UPF1: variants seen among roughly 807,000 people sequenced by gnomAD.
UPF1 encodes UPF1 RNA helicase and ATPase.
A neutral mutation model predicts 129.2 loss-of-function variants in UPF1; 9 were observed. That is an observed-to-expected ratio of 0.07 (90% confidence interval 0.04 to 0.12). UPF1 has a LOEUF of 0.12. UPF1 is among the 10% of genes least tolerant of loss of function. UPF1 has a pLI of 1.00. For missense variants in UPF1, 788 were observed against 1,525.3 expected (o/e 0.52, Z 8.05); for synonymous variants, 649 against 644.9 (o/e 1.01, Z -0.10).
rs569386730 is a variant in UPF1, at chr19:18,853,619, A to G, written c.1156+269A>G. On this transcript the variant is annotated intron_variant, in intron 8 of 23. Coordinates refer to ENST00000262803, the MANE Select transcript of UPF1 (RefSeq NM_002911.4). The surrounding 1 kb of genome is among the most constrained non-coding windows in gnomAD (Gnocchi z 4.4). ...TGGCGCGTCCCTGGGCTGACTCTGG[A>G]AGTTAATGTATGCCGCTTGTGTGGC... Among the ~76,000 whole-genome samples the G allele has an allele frequency of 7.9e-5, 12 of 152,220 alleles. No individual in the cohort carries two copies. The East Asian group carries it at 2.1e-3, about 27-fold the overall frequency.
chr19:18,857,934 AAC>A (rs2055736564), intron 15 of UPF1, among the ~76,000 whole-genome samples: 1 of 152,200 alleles, frequency 6.6e-6, no homozygotes. Flanking sequence ...TTCCCTGGAT[AAC>A]ACAGAGGCCT....
intron 1 of UPF1, among the ~76,000 whole-genome samples, chr19:18,839,901 G>A (rs1014435401): frequency 2.6e-5 from 4 of 152,216 alleles, no homozygotes; most frequent in Admixed American, 2.6e-4. Flanking sequence ...CTAAGGGAAA[G>A]CCTGTGGGAA....
Position 18,863,625 on chromosome 19 carries a change from A to G in UPF1, c.2775+13A>G. ...CACTATCAACCCGGTGAGCGCCTGCACAGGACAGCAGGGCAGCACGGAGAA... is the reference window on the plus strand; with the variant it reads ...CACTATCAACCCGGTGAGCGCCTGCGCAGGACAGCAGGGCAGCACGGAGAA... On this transcript the variant is annotated intron_variant, in intron 19 of 23. Transcript: ENST00000262803. 5 of 1,609,000 alleles carry G rather than the reference A, an allele frequency of 3.1e-6. No homozygotes were observed. Among genetic ancestry groups the G allele is most frequent in the Non-Finnish European group, 4.2e-6 (5 of 1,177,320 alleles).
intron 1 of UPF1, among the ~76,000 whole-genome samples, chr19:18,843,606 C>T (rs2055565361): frequency 6.7e-6 from 1 of 149,006 alleles, no homozygotes; most frequent in Non-Finnish European, 1.5e-5. Flanking sequence ...GCAACCTCCG[C>T]CTCCTGGGTT....
At chr19:18,856,755 G>GT (rs1229235729) in intron 13 of UPF1, 122 bp from the exon 14 acceptor site, 3 of 1,383,814 alleles carry the variant, frequency 2.2e-6, no homozygotes, top group East Asian at 2.5e-5. Context: ...GGGACAGCTT[G>GT]TTTTTTATAG....
chr19:18,847,646 A>G (rs1470666957), intron 2 of UPF1, 98 bp from the exon 3 acceptor site: 2 of 1,158,484 alleles, frequency 1.7e-6, no homozygotes, highest in African/African-American at 3.0e-5. Context: ...TTAATGAAGA[A>G]CTTAAAAATG....
rs2055853374 is a variant in UPF1 at position 18,866,904 on chromosome 19, TC to T, written c.*388del. 1.3e-5 allele frequency: 2 copies of T among 152,604 alleles called. No individual in the cohort carries two copies. The highest frequency in any genetic ancestry group is 1.5e-5 in the Non-Finnish European group (1 of 68,052). The allele number at this position is 152,604 out of a possible 1,614,324, so 9.5% of individuals were successfully genotyped here. ...CTACGTCTTAGCAGGAAAAAAAACT[TC>T]GCATTTCTGTGCCCGAGCAGGCTCC... On this transcript the variant is annotated 3_prime_UTR_variant, in exon 24 of 24. Transcript: ENST00000262803.
rs764862637 is a variant in UPF1, at chr19:18,865,440, G to T, written c.3009G>T (p.Gly1003=). 6.2e-7 allele frequency: 1 copy of T among 1,613,398 alleles called. No individual in the cohort carries two copies. The highest frequency in any genetic ancestry group is 8.5e-7 in the Non-Finnish European group (1 of 1,179,470). The change falls in exon 21 of 24, where the codon GGG becomes GGT. Residue 1003 remains glycine, a synonymous_variant. Transcript: ENST00000262803. This position sits in a 1 kb window ranked among gnomAD's most constrained non-coding sequence, Gnocchi z 6.1. Reference sequence around the variant, plus strand: ...CTGGCTATTTTGGACAAGCCAACGGGCCTGCTGCAGGTGAGCATCTGTGGC... The same window carrying T: ...CTGGCTATTTTGGACAAGCCAACGGTCCTGCTGCAGGTGAGCATCTGTGGC... ...PPPGYFGQAN[G]PAAGRGTPKG...
rs1335810496 is a variant in UPF1 at position 18,832,570 on chromosome 19, C to T, written c.231+130C>T. The T allele has an allele frequency of 1.6e-6, 1 of 638,414 alleles. No homozygotes were observed. Among genetic ancestry groups the T allele is most frequent in the African/African-American group, 2.0e-5 (1 of 50,810 alleles). The allele number at this position is 638,414 out of a possible 1,614,324, so 39.5% of individuals were successfully genotyped here. ...TCGCGGCCGGGCCTGGGGCGATCTG[C>T]CCCGGGTCCCCTACTCTGGCTCGGC... On this transcript the variant is annotated intron_variant, in intron 1 of 23. Transcript: ENST00000262803. The surrounding 1 kb of genome is among the most constrained non-coding windows in gnomAD (Gnocchi z 5.6).
In UPF1 at chr19:18,832,389, A is replaced by G. The variant is rs12976276; in HGVS notation, c.180A>G (p.Gly60=). 2 of 1,081,004 alleles carry G rather than the reference A, an allele frequency of 1.9e-6. No homozygotes were observed. Among genetic ancestry groups the G allele is most frequent in the Non-Finnish European group, 2.2e-6 (2 of 890,428 alleles). The allele number at this position is 1,081,004 out of a possible 1,614,324, so 67.0% of individuals were successfully genotyped here. The part of the protein sequence containing the change: ...GPGGPGGGGA[G]GPGGAGAGAA... ...GCGGCCCGGGCGGTGGCGGCGCGGGAGGCCCGGGCGGCGCGGGCGCGGGCG... is the reference window on the plus strand; with the variant it reads ...GCGGCCCGGGCGGTGGCGGCGCGGGGGGCCCGGGCGGCGCGGGCGCGGGCG... Residue 60 remains glycine (G), a synonymous_variant, in exon 1 of 24, where the codon GGA becomes GGG. Transcript: ENST00000262803. This position sits in a 1 kb window ranked among gnomAD's most constrained non-coding sequence, Gnocchi z 5.6.
intron 3 of UPF1, chr19:18,849,721 C>A (rs1330567529): frequency 7.5e-6 from 2 of 267,948 alleles, no homozygotes; most frequent in Non-Finnish European, 1.4e-5. Context: ...AAAGAAGGGG[C>A]TGGGGCCTTG....
At position 18,853,259 on chromosome 19, in the gene UPF1, G is replaced by C; in HGVS notation, c.1065G>C (p.Arg355=). The change falls in exon 8 of 24, where the codon CGG becomes CGC. Residue 355 remains arginine (R), a synonymous_variant. Transcript: ENST00000262803. This position sits in a 1 kb window ranked among gnomAD's most constrained non-coding sequence, Gnocchi z 4.4. ...TCACTTTTTTACCTCAAGACATGCG[G>C]CTCATGCAGGGGGATGAGATATGCC... is the stretch of plus-strand genomic sequence containing the variant. ...FTLPKTDSDM[R]LMQGDEICLR... is the part of the protein sequence containing the mutation. The C allele has an allele frequency of 6.2e-7, 1 of 1,611,810 alleles. No homozygotes were observed. Among genetic ancestry groups the C allele is most frequent in the South Asian group, 1.1e-5 (1 of 90,814 alleles).
chr19:18,862,165 C>A lies in UPF1; in HGVS notation c.2600+13C>A. ...TGACCAGAGCAAGGTAGGGAGGCTG[C>A]CTGCTGCATGCTGCCCAGCCGCTCA... On this transcript the variant is annotated intron_variant, in intron 18 of 23. Transcript: ENST00000262803. 1 of 1,612,058 alleles carries A rather than the reference C, an allele frequency of 6.2e-7. No individual in the cohort carries two copies.
At chr19:18,861,035 A>G in intron 17 of UPF1, 53 bp downstream of exon 17, 1 of 1,512,612 alleles carries the variant, frequency 6.6e-7, no homozygotes, top group South Asian at 1.2e-5. Flanking sequence ...AAGGGTATTG[A>G]CCCTTGACCT....
Position 18,867,175 on chromosome 19 carries a change from C to G in UPF1, c.*658C>G, listed in dbSNP as rs901463325. The G allele has an allele frequency of 2.0e-5, 3 of 152,430 alleles. No individual in the cohort carries two copies. Among genetic ancestry groups the G allele is most frequent in the African/African-American group, 7.2e-5 (3 of 41,460 alleles). 9.4% of individuals were successfully genotyped at this position (152,430 alleles called of 1,614,324 possible). A position where few individuals can be genotyped will look rare whatever the true frequency, so the allele number is the denominator to read the frequency against. On this transcript the variant is annotated 3_prime_UTR_variant, in exon 24 of 24. Transcript: ENST00000262803. ...GGGAGATTTGAGAAGCTTCCAGAAA[C>G]AGTTTAAACAAGCCAGCGCTACTGG...
rs1259314971 is a variant in UPF1, at chr19:18,832,015, G to A, written c.-195G>A. On this transcript the variant is annotated 5_prime_UTR_variant, in exon 1 of 24. Coordinates refer to ENST00000262803, the MANE Select transcript of UPF1 (RefSeq NM_002911.4). This position sits in a 1 kb window ranked among gnomAD's most constrained non-coding sequence, Gnocchi z 5.6. ...GCTTCGAGGGGAGCTGAGGCGCGGAGGGGCTCGGCGGCAGCGGCGGCGGCT... is the reference window on the plus strand; with the variant it reads ...GCTTCGAGGGGAGCTGAGGCGCGGAAGGGCTCGGCGGCAGCGGCGGCGGCT... The A allele has an allele frequency of 2.7e-6, 1 of 368,260 alleles. No individual in the cohort carries two copies. Among genetic ancestry groups the A allele is most frequent in the Non-Finnish European group, 4.6e-6 (1 of 217,000 alleles). The allele number at this position is 368,260 out of a possible 1,614,324, so 22.8% of individuals were successfully genotyped here.
intron 18 of UPF1, chr19:18,863,049 T>TC: frequency 5.3e-6 from 1 of 188,642 alleles, no homozygotes; most frequent in African/African-American, 2.3e-5. Flanking sequence ...ATTGGGTGGG[T>TC]CCCCCCACAG....
Position 18,850,307 on chromosome 19 carries a change from T to TGGCCCAGCCC in UPF1, c.629+66_629+75dup, listed in dbSNP as rs370548591. On this transcript the variant is annotated intron_variant, in intron 4 of 23. Transcript: ENST00000262803. The surrounding 1 kb of genome is among the most constrained non-coding windows in gnomAD (Gnocchi z 7.1). ...GCTCCAGCCGTCTCCTCACAAGCCT[T>TGGCCCAGCCC]GGCCCAGCCCAGCCCAGCCGTGGCT... is the stretch of plus-strand genomic sequence containing the variant. 1.4e-4 allele frequency: 218 copies of TGGCCCAGCCC among 1,515,848 alleles called. No individual in the cohort carries two copies. In the African/African-American group the frequency reaches 2.7e-3, roughly 19 times the overall value. 93.9% of individuals were successfully genotyped at this position (1,515,848 alleles called of 1,614,324 possible).
intron 1 of UPF1, among the ~76,000 whole-genome samples, chr19:18,834,065 G>C (rs932487469): frequency 6.6e-6 from 1 of 152,152 alleles, no homozygotes; most frequent in Non-Finnish European, 1.5e-5. Context: ...AGCTGCGGAG[G>C]CCCCACCTCC....
Sources: allele counts gnomAD v4.1 joint callset (sites outside exome capture counted in the v4.1 genomes callset), GRCh38; gene constraint gnomAD v4.1.1; non-coding constraint Gnocchi (gnomAD v3.1); transcripts MANE v1.5; gene names NCBI Gene and HGNC (gene_info 2026-07-23, HGNC 2026-07-21).